MTMR9: variants seen among roughly 807,000 people sequenced by gnomAD.
MTMR9 encodes myotubularin-related protein 9.
Under a neutral mutation model 69.5 loss-of-function variants are expected in MTMR9, and 39 were observed. That is an observed-to-expected ratio of 0.56 (90% confidence interval 0.43 to 0.73). The LOEUF (loss-of-function observed/expected upper bound fraction) is 0.73. Among genes scored for constraint, MTMR9 ranks in the 30% least tolerant of loss-of-function variants. The pLI is 0.00. For synonymous variants in MTMR9, 354 were observed against 240.8 expected, an observed-to-expected ratio of 1.47 and a Z score of -4.35; for missense variants, 900 against 671.2, an observed-to-expected ratio of 1.34 and a Z score of -3.77.
intron 9 of MTMR9, chr8:11,321,598 G>T (rs940240528): frequency 3.3e-5 from 14 of 425,048 alleles, no homozygotes; most frequent in African/African-American, 2.9e-4. Flanking sequence ...CCTCAACCTA[G>T]AGCTGGGAGA....
Position 11,327,210 on chromosome 8 carries a change from T to C in MTMR9, c.*4422T>C, listed in dbSNP as rs1245205354. ...GATATTAAAATGCCTGAACCTGTTA[T>C]CTAAATCCTTTTTAAGAAACTTAAT... On this transcript the variant is annotated 3_prime_UTR_variant, in exon 10 of 10. Transcript: ENST00000221086. 3 of 152,214 alleles carry C rather than the reference T, an allele frequency of 2.0e-5. No individual in the cohort carries two copies. The highest frequency in any genetic ancestry group is 7.2e-5 in the African/African-American group (3 of 41,452). The allele number at this position is 152,214 out of a possible 1,614,324, so 9.4% of individuals were successfully genotyped here.
At chr8:11,318,381 T>C (rs1479609940) in intron 8 of MTMR9, 1 of 152,206 alleles carries the variant, frequency 6.6e-6, no homozygotes, top group Non-Finnish European at 1.5e-5. Context: ...GGACATGCTA[T>C]CCCAGCAGTT....
At chr8:11,307,135 G>T (rs1369920412) in intron 5 of MTMR9, among the ~76,000 whole-genome samples, 1 of 152,064 alleles carries the variant, frequency 6.6e-6, no homozygotes, top group Non-Finnish European at 1.5e-5. Context: ...GCAGTGGCAC[G>T]ATCCCAGCTC....
chr8:11,339,485 C>T, the MTMR9 span, among the ~76,000 whole-genome samples: 2 of 152,204 alleles, frequency 1.3e-5, no homozygotes, highest in Non-Finnish European at 2.9e-5. Context: ...CAAATCTGGC[C>T]CGCTGCCTGT....
chr8:11,336,700 C>T, the MTMR9 span, among the ~76,000 whole-genome samples: 1 of 152,244 alleles, frequency 6.6e-6, no homozygotes, highest in East Asian at 1.9e-4. Context: ...TATTTTTCTT[C>T]CTCTGTGTGC....
At chr8:11,296,216 C>CTT (rs1216941739) in intron 2 of MTMR9, among the ~76,000 whole-genome samples, 1 of 152,104 alleles carries the variant, frequency 6.6e-6, no homozygotes, top group Non-Finnish European at 1.5e-5. Context: ...TAACATCTCT[C>CTT]TGATTTGTTT....
rs529331734 is a variant in MTMR9 at position 11,324,148 on chromosome 8, C to CA, written c.*1361dup. On this transcript the variant is annotated 3_prime_UTR_variant, in exon 10 of 10. Coordinates refer to ENST00000221086, the MANE Select transcript of MTMR9 (RefSeq NM_015458.4). ...TATATAACCATTTCGGTAGAGAACA[C>CA]ACTACACTGAACCCTGCTTTAGAGC... The CA allele has an allele frequency of 3.3e-5, 5 of 152,278 alleles. No homozygotes were observed. In the South Asian group the frequency reaches 1.0e-3, roughly 32 times the overall value. 9.4% of individuals were successfully genotyped at this position (152,278 alleles called of 1,614,324 possible).
At chr8:11,301,994 C>G (rs1335892470) in intron 3 of MTMR9, among the ~76,000 whole-genome samples, 3 of 152,048 alleles carry the variant, frequency 2.0e-5, no homozygotes, top group Non-Finnish European at 2.9e-5. Context: ...TGGTGGCTCA[C>G]ACCTATAATC....
chr8:11,298,726 C>A (rs561337242), intron 2 of MTMR9: 35 of 912,372 alleles, frequency 3.8e-5, no homozygotes, highest in South Asian at 5.2e-5. Context: ...CTGCACCCCC[C>A]CCCCGCCATC....
chr8:11,313,622 G>A (rs1800292942), intron 6 of MTMR9, among the ~76,000 whole-genome samples: 1 of 152,176 alleles, frequency 6.6e-6, no homozygotes, highest in African/African-American at 2.4e-5. Flanking sequence ...CTGGCCTAAT[G>A]TCAATATTGT....
chr8:11,333,761 G>A, the MTMR9 span, among the ~76,000 whole-genome samples: 6 of 152,232 alleles, frequency 3.9e-5, no homozygotes, highest in African/African-American at 1.4e-4. Context: ...GTCCTTGAAG[G>A]TGAAATGAAA....
intron 2 of MTMR9, among the ~76,000 whole-genome samples, chr8:11,298,257 G>C (rs578256502): frequency 1.4e-4 from 22 of 152,246 alleles, no homozygotes; most frequent in African/African-American, 5.3e-4. Context: ...AGTGGTTGCT[G>C]ACTTGCATTT....
At chr8:11,314,180 A>G (rs1800317578) in intron 6 of MTMR9, among the ~76,000 whole-genome samples, 2 of 152,210 alleles carry the variant, frequency 1.3e-5, no homozygotes, top group Non-Finnish European at 2.9e-5. Context: ...TTTTGTGTGA[A>G]GTTGGTGGTT....
At chr8:11,328,187 A>T (rs1801034575), downstream of MTMR9, 1 of 152,018 alleles carries the variant, frequency 6.6e-6, no homozygotes, top group African/African-American at 2.4e-5. Context: ...ATATTGGTGA[A>T]GGTTTGGATG....
chr8:11,306,779 C>A (rs548728686), intron 5 of MTMR9, among the ~76,000 whole-genome samples: 2 of 152,182 alleles, frequency 1.3e-5, no homozygotes, highest in Non-Finnish European at 1.5e-5. Context: ...CCATGCTGTA[C>A]AATAGACCTA....
chr8:11,286,659 T>TC (rs1179979955), intron 1 of MTMR9, among the ~76,000 whole-genome samples: 1 of 85,446 alleles, frequency 1.2e-5, no homozygotes, highest in Non-Finnish European at 2.1e-5. Context: ...AGAGCAAAAC[T>TC]CCATCTCAAA....
intron 1 of MTMR9, among the ~76,000 whole-genome samples, chr8:11,287,246 T>A (rs1379654799): frequency 1.3e-5 from 2 of 152,242 alleles, no homozygotes; most frequent in Non-Finnish European, 2.9e-5. Flanking sequence ...TGCCGTTGAA[T>A]ACAACTGAGT....
At chr8:11,292,216 A>G (rs1047249447) in intron 1 of MTMR9, among the ~76,000 whole-genome samples, 1 of 152,170 alleles carries the variant, frequency 6.6e-6, no homozygotes, top group Non-Finnish European at 1.5e-5. Flanking sequence ...AGTATTCCAT[A>G]GTTCATTTAT....
chr8:11,314,305 G>A (rs1299694896), intron 6 of MTMR9, among the ~76,000 whole-genome samples: 1 of 152,172 alleles, frequency 6.6e-6, no homozygotes, highest in East Asian at 1.9e-4. Context: ...TTAGAATAAT[G>A]GGGTCCCAGA....
Sources: allele counts gnomAD v4.1 joint callset (sites outside exome capture counted in the v4.1 genomes callset), GRCh38; gene constraint gnomAD v4.1.1; transcripts MANE v1.5; gene names NCBI Gene and HGNC (gene_info 2026-07-23, HGNC 2026-07-21).